The following SNX7 variants were observed in gnomAD, a reference collection of about 807,000 sequenced individuals.
The protein encoded by SNX7 is sorting nexin 7, also known as sorting nexin-7.
A neutral mutation model predicts 48.4 loss-of-function variants in SNX7; 35 were observed. The ratio of observed to expected loss-of-function variants is 0.72; its 90% confidence interval spans 0.55 to 0.96. SNX7 has a LOEUF of 0.96. SNX7 is among the 40% of genes least tolerant of loss of function. The pLI, the probability that SNX7 is intolerant of heterozygous loss-of-function variation, is 0.00. For synonymous variants in SNX7, 190 were observed against 190.2 expected, an observed-to-expected ratio of 1.00 and a Z score of 0.01; for missense variants, 553 against 548.9, an observed-to-expected ratio of 1.01 and a Z score of -0.07.
At chr1:98,667,828 T>G (rs1034508049) in intron 1 of SNX7, among the ~76,000 whole-genome samples, 2 of 151,986 alleles carry the variant, frequency 1.3e-5, no homozygotes, top group Non-Finnish European at 2.9e-5. Context: ...GACGATTACA[T>G]GCCCTAATAT....
intron 1 of SNX7, among the ~76,000 whole-genome samples, chr1:98,667,810 A>C (rs1042339539): frequency 6.6e-6 from 1 of 152,112 alleles, no homozygotes; most frequent in African/African-American, 2.4e-5. Context: ...ATGAGGATAA[A>C]TACTAATGAC....
intron 8 of SNX7, among the ~76,000 whole-genome samples, chr1:98,738,848 G>T (rs1653928370): frequency 6.6e-6 from 1 of 151,356 alleles, no homozygotes. Context: ...TCAGATGATT[G>T]TATTTCAATT....
intron 7 of SNX7, among the ~76,000 whole-genome samples, chr1:98,711,834 A>G (rs999040155): frequency 5.9e-5 from 9 of 152,192 alleles, no homozygotes; most frequent in African/African-American, 2.2e-4. Flanking sequence ...CATTTTACCC[A>G]CAGAACTGCT....
At chr1:98,726,778 G>C (rs1653197060) in intron 7 of SNX7, among the ~76,000 whole-genome samples, 1 of 152,112 alleles carries the variant, frequency 6.6e-6, no homozygotes, top group South Asian at 2.1e-4. Context: ...AGAATGCCAG[G>C]GAATGCCCAG....
chr1:98,746,562 G>GAAAAC, intron 8 of SNX7, among the ~76,000 whole-genome samples: 1 of 152,158 alleles, frequency 6.6e-6, no homozygotes, highest in Admixed American at 6.6e-5. Flanking sequence ...AGAAAACAGG[G>GAAAAC]AAAACACATG....
Position 98,691,623 on chromosome 1 carries a change from T to A in SNX7, c.563T>A (p.Phe188Tyr), listed in dbSNP as rs749990407. Reference sequence around the variant, plus strand: ...ACACGCAGGAAGGCTTTACATAAATTTTTGAACCGAATTGCTGATCATCCA... The same window carrying A: ...ACACGCAGGAAGGCTTTACATAAATATTTGAACCGAATTGCTGATCATCCA... The part of the protein sequence containing the change: ...IETRRKALHK[F>Y]LNRIADHPTL... The change falls in exon 4 of 9, where the codon TTT becomes TAT. Residue 188 changes from phenylalanine (F) to tyrosine (Y), a missense_variant. Phe to Tyr is a conservative substitution (Grantham distance 22). Transcript: ENST00000306121. 4 of 1,612,058 alleles carry A rather than the reference T, an allele frequency of 2.5e-6. No individual in the cohort carries two copies. The highest frequency in any genetic ancestry group is 2.5e-6 in the Non-Finnish European group (3 of 1,178,828).
intron 4 of SNX7, among the ~76,000 whole-genome samples, chr1:98,694,596 A>AATTT (rs1651343596): frequency 5.6e-5 from 3 of 53,200 alleles, no homozygotes; most frequent in African/African-American, 2.6e-4. Context: ...TTGCTCTGGG[A>AATTT]TTTTTTTTTT....
intron 1 of SNX7, among the ~76,000 whole-genome samples, chr1:98,681,244 G>A (rs1438427706): frequency 8.6e-5 from 13 of 151,978 alleles, no homozygotes; most frequent in Non-Finnish European, 1.0e-4. Flanking sequence ...GGAAAGACCC[G>A]CCCCCATGAT....
At chr1:98,722,756 T>C (rs1652953436) in intron 7 of SNX7, among the ~76,000 whole-genome samples, 1 of 151,800 alleles carries the variant, frequency 6.6e-6, no homozygotes, top group African/African-American at 2.4e-5. Context: ...TCAAAAATGT[T>C]GGTGATATAG....
chr1:98,685,559 A>G (rs1250922071), intron 2 of SNX7, among the ~76,000 whole-genome samples: 1 of 152,192 alleles, frequency 6.6e-6, no homozygotes, highest in African/African-American at 2.4e-5. Flanking sequence ...TCTAGAACAC[A>G]GATCTCTTTA....
chr1:98,759,989 A>T (rs1401703020), intron 8 of SNX7, 65 bp from the exon 9 acceptor site: 14 of 1,058,952 alleles, frequency 1.3e-5, no homozygotes, highest in Non-Finnish European at 2.1e-5. Context: ...GTTAGAATTT[A>T]TTAATCCTTT....
chr1:98,695,398 G>A (rs1474481786), intron 4 of SNX7, 120 bp from the exon 5 acceptor site: 1 of 879,354 alleles, frequency 1.1e-6, no homozygotes, highest in East Asian at 2.5e-5. Context: ...CATTAAAAAA[G>A]ATTGATGCCT....
At chr1:98,754,774 AT>A (rs1217140077) in intron 8 of SNX7, among the ~76,000 whole-genome samples, 1 of 150,408 alleles carries the variant, frequency 6.6e-6, no homozygotes, top group Non-Finnish European at 1.5e-5. Flanking sequence ...AGTTTCATTG[AT>A]TTTTCTTTAC....
At chr1:98,671,007 C>T (rs1013404233) in intron 1 of SNX7, among the ~76,000 whole-genome samples, 2 of 152,080 alleles carry the variant, frequency 1.3e-5, no homozygotes, top group African/African-American at 4.8e-5. Context: ...ACTTTATTTC[C>T]GTGAGTTTTA....
chr1:98,682,222 G>A (rs920656559), intron 1 of SNX7, among the ~76,000 whole-genome samples: 18 of 147,874 alleles, frequency 1.2e-4, no homozygotes, highest in Admixed American at 5.4e-4. Context: ...TTCATCCCTC[G>A]CTTCCTTTAT....
intron 1 of SNX7, among the ~76,000 whole-genome samples, chr1:98,675,403 T>C (rs915033932): frequency 1.3e-5 from 2 of 152,200 alleles, no homozygotes; most frequent in African/African-American, 4.8e-5. Context: ...TCTTGGATGT[T>C]GCTAAATTTC....
intron 1 of SNX7, among the ~76,000 whole-genome samples, chr1:98,671,605 A>G (rs1649866893): frequency 6.6e-6 from 1 of 152,100 alleles, no homozygotes; most frequent in African/African-American, 2.4e-5. Context: ...AAGATAATTA[A>G]CCAGATTGTA....
intron 7 of SNX7, among the ~76,000 whole-genome samples, chr1:98,709,375 A>C (rs1652181599): frequency 6.6e-6 from 1 of 152,030 alleles, no homozygotes; most frequent in Non-Finnish European, 1.5e-5. Flanking sequence ...TGTAGTGACC[A>C]CTCCCATTTG....
At chr1:98,686,141 C>T (rs1650783330) in intron 2 of SNX7, among the ~76,000 whole-genome samples, 1 of 152,104 alleles carries the variant, frequency 6.6e-6, no homozygotes, top group Admixed American at 6.6e-5. Context: ...GCTTAGTTTT[C>T]AATATACAAC....
Sources: allele counts gnomAD v4.1 joint callset (sites outside exome capture counted in the v4.1 genomes callset), GRCh38; gene constraint gnomAD v4.1.1; transcripts MANE v1.5; gene names NCBI Gene and HGNC (gene_info 2026-07-23, HGNC 2026-07-21).